Variants in SSBP3 observed in about 807,000 individuals in gnomAD.
SSBP3 encodes the protein single stranded DNA binding protein 3.
SSBP3 carries 5 observed loss-of-function variants against 69.6 expected under a neutral mutation model. The ratio of observed to expected loss-of-function variants is 0.07; its 90% CI spans 0.04 to 0.15. The LOEUF (loss-of-function observed/expected upper bound fraction) is 0.15. Among genes scored for constraint, SSBP3 ranks in the 10% least tolerant of loss-of-function variants. The pLI, the probability that SSBP3 is intolerant of heterozygous loss-of-function variation, is 1.00. For synonymous variants in SSBP3, 196 were observed against 193.4 expected, an observed-to-expected ratio of 1.01 and a Z score of -0.11; for missense variants, 312 against 534.0, an observed-to-expected ratio of 0.58 and a Z score of 4.10.
intron 4 of SSBP3, among the ~76,000 whole-genome samples, chr1:54,388,874 C>A (rs1481300741): frequency 6.6e-6 from 1 of 152,212 alleles, no homozygotes; most frequent in East Asian, 1.9e-4. Context: ...CTTCCTCAGT[C>A]CTGGGGGAAA....
At chr1:54,292,180 G>A (rs1426468033) in intron 4 of SSBP3, among the ~76,000 whole-genome samples, 1 of 152,202 alleles carries the variant, frequency 6.6e-6, no homozygotes, top group Non-Finnish European at 1.5e-5. Context: ...TAAGGGAGTG[G>A]GAGGAATGCA....
intron 5 of SSBP3, among the ~76,000 whole-genome samples, chr1:54,276,893 G>C (rs933186027): frequency 6.6e-6 from 1 of 152,114 alleles, no homozygotes; most frequent in African/African-American, 2.4e-5. Flanking sequence ...CACCATCTCA[G>C]CCAGGGCTGC....
At chr1:54,304,449 C>T (rs891681253) in intron 4 of SSBP3, among the ~76,000 whole-genome samples, 1 of 152,154 alleles carries the variant, frequency 6.6e-6, no homozygotes, top group Non-Finnish European at 1.5e-5. Flanking sequence ...GTCTTCTGGG[C>T]ACAGGGCTAG....
chr1:54,364,945 T>G (rs1315975990), intron 4 of SSBP3, among the ~76,000 whole-genome samples: 2 of 151,934 alleles, frequency 1.3e-5, no homozygotes, highest in Non-Finnish European at 2.9e-5. Context: ...TTAAGACCTC[T>G]CCCAAAAGGA....
chr1:54,246,491 C>T (rs1460149925), intron 9 of SSBP3, among the ~76,000 whole-genome samples: 5 of 152,176 alleles, frequency 3.3e-5, no homozygotes, highest in Non-Finnish European at 7.3e-5. Flanking sequence ...CCTGGTATGT[C>T]TCAGCACGGA....
chr1:54,367,109 C>G (rs899568328), intron 4 of SSBP3, among the ~76,000 whole-genome samples: 3 of 152,214 alleles, frequency 2.0e-5, no homozygotes, highest in Non-Finnish European at 4.4e-5. Context: ...AGGGCTGCCT[C>G]TTTCCTTTGC....
intron 9 of SSBP3, among the ~76,000 whole-genome samples, chr1:54,245,617 G>A (rs970655688): frequency 2.0e-5 from 3 of 152,182 alleles, no homozygotes; most frequent in African/African-American, 7.2e-5. Flanking sequence ...ATGATCTCAG[G>A]AGCAACACCA....
intron 4 of SSBP3, among the ~76,000 whole-genome samples, chr1:54,346,585 C>T (rs1367013664): frequency 2.6e-5 from 4 of 151,984 alleles, no homozygotes; most frequent in Non-Finnish European, 4.4e-5. Flanking sequence ...GAGGCCAAGG[C>T]GGGTGGATCA....
At chr1:54,388,492 T>C (rs1648246847) in intron 4 of SSBP3, among the ~76,000 whole-genome samples, 1 of 152,208 alleles carries the variant, frequency 6.6e-6, no homozygotes, top group Admixed American at 6.5e-5. Flanking sequence ...AAACTGCTGT[T>C]GTATCCCTCA....
rs1647004286 is a variant in SSBP3 at position 54,364,826 on chromosome 1, C to T, written c.276+37035G>A. ...ACTTGGCAGTATCGAACCCAAACAG[C>T]CTTTCTCTCCCCATTACCTGCAACG... On this transcript the variant is annotated intron_variant, in intron 4 of 17. Coordinates refer to ENST00000610401, the Ensembl canonical transcript of SSBP3. Among the ~76,000 whole-genome samples, 2 of 152,336 alleles carry T rather than the reference C, an allele frequency of 1.3e-5. 1 individual carries two copies. The highest frequency in any genetic ancestry group is 4.1e-4 in the South Asian group (2 of 4,828).
At chr1:54,292,565 A>AC (rs1645627607) in intron 4 of SSBP3, among the ~76,000 whole-genome samples, 1 of 152,026 alleles carries the variant, frequency 6.6e-6, no homozygotes, top group Non-Finnish European at 1.5e-5. Flanking sequence ...CCCTCTGAGG[A>AC]CCCCTGCTGC....
chr1:54,257,961 C>G, intron 6 of SSBP3, 108 bp downstream of exon 6: 1 of 1,037,182 alleles, frequency 9.6e-7, no homozygotes, highest in Non-Finnish European at 1.4e-6. Flanking sequence ...AATAAAGACT[C>G]GCAGGCAGTG....
intron 4 of SSBP3, chr1:54,287,028 A>G (rs540348569): frequency 1.3e-5 from 2 of 152,184 alleles, no homozygotes; most frequent in Non-Finnish European, 2.9e-5. Flanking sequence ...TTCCTTCAAG[A>G]AGCAATGGTC....
chr1:54,363,615 T>C (rs1249054666), intron 4 of SSBP3, among the ~76,000 whole-genome samples: 2 of 152,016 alleles, frequency 1.3e-5, no homozygotes, highest in Non-Finnish European at 2.9e-5. Context: ...AGAACAACAC[T>C]ATTACCCCTG....
In SSBP3 at chr1:54,268,804, C is replaced by G. The variant is rs564445681; in HGVS notation, c.367-10655G>C. On this transcript the variant is annotated intron_variant, in intron 5 of 17. Transcript: ENST00000610401. ...TCTGGGAGACACAGATGTGGGAGGT[C>G]GGGCCCACAGTCACACGGGCAGGTG... 4.9e-4 allele frequency among the ~76,000 whole-genome samples: 74 copies of G among 152,274 alleles called. 1 individual carries two copies. The highest frequency in any genetic ancestry group is 1.6e-3 in the African/African-American group (67 of 41,538).
chr1:54,404,319 G>T (rs1314818571), intron 3 of SSBP3, among the ~76,000 whole-genome samples: 1 of 152,198 alleles, frequency 6.6e-6, no homozygotes, highest in African/African-American at 2.4e-5. Context: ...GCCCCAGAGT[G>T]AAATGTAAAA....
At chr1:54,395,449 A>G (rs1189296756) in intron 4 of SSBP3, among the ~76,000 whole-genome samples, 4 of 152,348 alleles carry the variant, frequency 2.6e-5, no homozygotes, top group Middle Eastern at 3.4e-3. Context: ...GGACAGGACC[A>G]TTCTGCCCAA....
intron 4 of SSBP3, among the ~76,000 whole-genome samples, chr1:54,393,306 C>T (rs1007223767): frequency 1.3e-4 from 20 of 152,290 alleles, no homozygotes; most frequent in Non-Finnish European, 2.2e-4. Flanking sequence ...CCCCACAATC[C>T]CCCAGGGGTA....
intron 4 of SSBP3, among the ~76,000 whole-genome samples, chr1:54,373,935 C>A (rs922871665): frequency 6.6e-6 from 1 of 152,116 alleles, no homozygotes; most frequent in Non-Finnish European, 1.5e-5. Flanking sequence ...GTCTGGACCA[C>A]CAGAGCTGCG....
Sources: allele counts gnomAD v4.1 joint callset (sites outside exome capture counted in the v4.1 genomes callset), GRCh38; gene constraint gnomAD v4.1.1; transcripts MANE v1.5; gene names NCBI Gene and HGNC (gene_info 2026-07-23, HGNC 2026-07-21).